NR2F1-AS1: variants seen among roughly 807,000 people sequenced by gnomAD.
The protein encoded by NR2F1-AS1 is NR2F1 antisense RNA 1.
At chr5:93,474,143 A>G (rs1750430718) in intron 4 of NR2F1-AS1, among the ~76,000 whole-genome samples, 1 of 152,210 alleles carries the variant, frequency 6.6e-6, no homozygotes, top group East Asian at 1.9e-4. Flanking sequence ...TTCAATAATT[A>G]TATTTTTCAG....
chr5:93,494,416 G>A (rs923050561), intron 4 of NR2F1-AS1, among the ~76,000 whole-genome samples: 1 of 152,258 alleles, frequency 6.6e-6, no homozygotes, highest in African/African-American at 2.4e-5. Context: ...ATGATCACTT[G>A]AGCCCAGCAG....
At chr5:93,484,860 CAAAG>C in intron 4 of NR2F1-AS1, among the ~76,000 whole-genome samples, 1 of 150,542 alleles carries the variant, frequency 6.6e-6, no homozygotes, top group African/African-American at 2.4e-5. Context: ...TCAAAAGAGA[CAAAG>C]AAAGGGCATT....
intron 1 of NR2F1-AS1, chr5:93,570,607 C>A (rs1031062785): frequency 2.6e-5 from 4 of 152,222 alleles, no homozygotes; most frequent in Non-Finnish European, 5.9e-5. Flanking sequence ...TGCGCCACCC[C>A]CGGTCGGGCC....
chr5:93,583,862 T>G (rs1753173498), upstream of NR2F1-AS1: 1 of 152,512 alleles, frequency 6.6e-6, no homozygotes, highest in Admixed American at 6.5e-5. Flanking sequence ...TCGCTGTGAT[T>G]TCGTCGCCGG....
chr5:93,503,523 T>C (rs1361764018), intron 4 of NR2F1-AS1, among the ~76,000 whole-genome samples: 1 of 152,206 alleles, frequency 6.6e-6, no homozygotes, highest in African/African-American at 2.4e-5. Flanking sequence ...ATGTTGGCCT[T>C]GTGAACTTGG....
chr5:93,499,316 A>T (rs1751029230), intron 4 of NR2F1-AS1, among the ~76,000 whole-genome samples: 1 of 152,202 alleles, frequency 6.6e-6, no homozygotes. Flanking sequence ...TACTGCTTTT[A>T]CAAACTGAAG....
chr5:93,561,244 C>T (rs1475903445), intron 2 of NR2F1-AS1, among the ~76,000 whole-genome samples: 4 of 144,384 alleles, frequency 2.8e-5, no homozygotes, highest in East Asian at 3.9e-4. Context: ...GCAACAAGAA[C>T]GAAACTCCAT....
intron 4 of NR2F1-AS1, among the ~76,000 whole-genome samples, chr5:93,493,036 C>T (rs1187648242): frequency 6.6e-6 from 1 of 151,990 alleles, no homozygotes; most frequent in Admixed American, 6.6e-5. Context: ...AAGTTCTAAT[C>T]AAAGGAATGA....
intron 4 of NR2F1-AS1, among the ~76,000 whole-genome samples, chr5:93,548,338 A>G (rs759206538): frequency 6.6e-6 from 1 of 152,074 alleles, no homozygotes; most frequent in Non-Finnish European, 1.5e-5. Flanking sequence ...TTTCATTCCC[A>G]CATCTATGGT....
intron 4 of NR2F1-AS1, among the ~76,000 whole-genome samples, chr5:93,530,271 G>A (rs983113893): frequency 6.6e-6 from 1 of 152,048 alleles, no homozygotes; most frequent in African/African-American, 2.4e-5. Flanking sequence ...TAGTAGAGAT[G>A]TGGTTTCACC....
In NR2F1-AS1 at chr5:93,421,366, T is replaced by TA. The variant is rs34159028; in HGVS notation, n.639-25825dup. On this transcript the variant is annotated intron_variant and non_coding_transcript_variant, in intron 4 of 5. Coordinates refer to ENST00000660523, the Ensembl canonical transcript of NR2F1-AS1. The stretch of plus-strand genomic sequence containing the variant: ...TTCTGGTAAACAGATTCTTTTGAGT[T>TA]AAAAAAAAAAAAAAGAGGGAAAAGC... Among the ~76,000 whole-genome samples the TA allele has an allele frequency of 6.0e-3, 849 of 141,688 alleles. 4 individuals carry two copies. The highest frequency in any genetic ancestry group is 7.3e-3 in the Middle Eastern group (2 of 274). The allele number at this position is 141,688 out of a possible 152,430, so 93.0% of individuals were successfully genotyped here.
intron 4 of NR2F1-AS1, among the ~76,000 whole-genome samples, chr5:93,417,729 C>A (rs901687095): frequency 3.3e-5 from 5 of 152,190 alleles, no homozygotes; most frequent in African/African-American, 1.2e-4. Flanking sequence ...GCTACTCATG[C>A]TGCACTTGTT....
chr5:93,483,948 A>G (rs1750657760), intron 4 of NR2F1-AS1, among the ~76,000 whole-genome samples: 1 of 152,234 alleles, frequency 6.6e-6, no homozygotes, highest in African/African-American at 2.4e-5. Flanking sequence ...ATATGGGACT[A>G]TGTGAAAAGA....
intron 4 of NR2F1-AS1, among the ~76,000 whole-genome samples, chr5:93,469,927 A>G (rs973589633): frequency 6.6e-6 from 1 of 152,084 alleles, no homozygotes; most frequent in Non-Finnish European, 1.5e-5. Context: ...AGTGCAAAAT[A>G]TAACAACTGT....
chr5:93,477,743 C>T (rs1364315676), intron 4 of NR2F1-AS1, among the ~76,000 whole-genome samples: 1 of 152,132 alleles, frequency 6.6e-6, no homozygotes, highest in East Asian at 1.9e-4. Context: ...GCATTTTTCC[C>T]CAAATGTACT....
intron 4 of NR2F1-AS1, among the ~76,000 whole-genome samples, chr5:93,478,665 G>C (rs550941621): frequency 5.7e-4 from 87 of 152,288 alleles, no homozygotes; most frequent in African/African-American, 1.9e-3. Flanking sequence ...GCCTACCAAA[G>C]TGCTGGAATT....
chr5:93,471,869 T>G (rs1258201757), intron 4 of NR2F1-AS1, among the ~76,000 whole-genome samples: 1 of 151,940 alleles, frequency 6.6e-6, no homozygotes, highest in Non-Finnish European at 1.5e-5. Flanking sequence ...ACAATTTGTA[T>G]TTCCATCAAA....
At chr5:93,442,759 C>T (rs888847502) in intron 4 of NR2F1-AS1, among the ~76,000 whole-genome samples, 1 of 152,210 alleles carries the variant, frequency 6.6e-6, no homozygotes, top group African/African-American at 2.4e-5. Context: ...GGGTCCCTGA[C>T]CCCTGAGTAG....
At chr5:93,454,406 A>T (rs1749902405) in intron 4 of NR2F1-AS1, among the ~76,000 whole-genome samples, 1 of 152,230 alleles carries the variant, frequency 6.6e-6, no homozygotes, top group Non-Finnish European at 1.5e-5. Flanking sequence ...AGCTTTTGTG[A>T]TATAAAGAAA....
Sources: gnomAD v4.1 joint callset for allele counts (sites outside exome capture counted in the v4.1 genomes callset) on GRCh38, gnomAD v4.1.1 for gene constraint, MANE v1.5 for transcripts, NCBI Gene and HGNC (gene_info 2026-07-23, HGNC 2026-07-21) for gene names.